Variants in SH3GL3 observed in about 807,000 individuals in gnomAD.
SH3GL3 encodes the protein endophilin-A3.
A neutral mutation model predicts 47.7 loss-of-function variants in SH3GL3; 33 were observed. That is an observed-to-expected ratio of 0.69 (90% CI 0.52 to 0.92). The LOEUF is 0.92. Ranked by LOEUF, SH3GL3 falls within the 40% of genes least tolerant of loss-of-function variation. The probability of loss-of-function intolerance (pLI) is 0.00; values close to 1 mark genes in which losing one functional copy is unlikely to be tolerated. For missense variants in SH3GL3, 363 were observed against 417.8 expected, an observed-to-expected ratio of 0.87 and a Z score of 1.14; for synonymous variants, 155 against 148.8, an observed-to-expected ratio of 1.04 and a Z score of -0.30.
chr15:83,548,547 A>C (rs1485664394), intron 1 of SH3GL3, among the ~76,000 whole-genome samples: 1 of 151,994 alleles, frequency 6.6e-6, no homozygotes, highest in Non-Finnish European at 1.5e-5. Context: ...TTGCCTGTTT[A>C]TGAGGGATAT....
intron 1 of SH3GL3, among the ~76,000 whole-genome samples, chr15:83,470,775 T>C (rs2040795602): frequency 6.6e-6 from 1 of 152,204 alleles, no homozygotes; most frequent in South Asian, 2.1e-4. Context: ...GTTTATATAG[T>C]GTTTTTGAGT....
chr15:83,487,854 T>C (rs1442923725), intron 1 of SH3GL3, among the ~76,000 whole-genome samples: 1 of 151,696 alleles, frequency 6.6e-6, no homozygotes, highest in Non-Finnish European at 1.5e-5. Flanking sequence ...CTTTCTTTTT[T>C]TAATTTTCTT....
At chr15:83,581,434 A>G (rs1391872165) in intron 6 of SH3GL3, among the ~76,000 whole-genome samples, 1 of 152,202 alleles carries the variant, frequency 6.6e-6, no homozygotes, top group African/African-American at 2.4e-5. Context: ...GGCCCACAGT[A>G]GAAGTCCAGT....
chr15:83,557,158 T>A (rs1305982510), intron 1 of SH3GL3, among the ~76,000 whole-genome samples: 1 of 152,204 alleles, frequency 6.6e-6, no homozygotes, highest in Non-Finnish European at 1.5e-5. Flanking sequence ...TACTCTACCA[T>A]GGCAACAAAA....
chr15:83,564,580 G>A (rs990520652), intron 2 of SH3GL3, among the ~76,000 whole-genome samples: 1 of 152,142 alleles, frequency 6.6e-6, no homozygotes, highest in African/African-American at 2.4e-5. Flanking sequence ...TAACCAGAAA[G>A]GGTTAACTTT....
intron 1 of SH3GL3, among the ~76,000 whole-genome samples, chr15:83,523,565 G>A (rs2043293927): frequency 6.6e-6 from 1 of 152,204 alleles, no homozygotes; most frequent in Admixed American, 6.5e-5. Context: ...TTTGAGTTAG[G>A]AATTAGTTCA....
chr15:83,489,147 G>A (rs971395980), intron 1 of SH3GL3: 2 of 152,158 alleles, frequency 1.3e-5, no homozygotes, highest in African/African-American at 4.8e-5. Context: ...TTCTTCTGAC[G>A]GCATTCTGAC....
chr15:83,541,310 C>CAATTTTTTTTTTTTTTTTTTTTT (rs1567318555), intron 1 of SH3GL3, among the ~76,000 whole-genome samples: 2 of 47,750 alleles, frequency 4.2e-5, no homozygotes, highest in African/African-American at 1.3e-4. Flanking sequence ...TATGGTAATT[C>CAATTTTTTTTTTTTTTTTTTTTT]TATTTTTTTT....
At chr15:83,586,218 G>C (rs56744214) in intron 6 of SH3GL3, among the ~76,000 whole-genome samples, 33 of 152,276 alleles carry the variant, frequency 2.2e-4, no homozygotes, top group African/African-American at 7.5e-4. Flanking sequence ...CCTCAGACAC[G>C]TGGGGGAGCA....
intron 1 of SH3GL3, among the ~76,000 whole-genome samples, chr15:83,532,312 G>A (rs985484643): frequency 2.6e-5 from 4 of 152,206 alleles, no homozygotes; most frequent in Non-Finnish European, 4.4e-5. Flanking sequence ...GGTGATTAAC[G>A]AGTTCATGGT....
chr15:83,622,199 A>G (rs149613427), downstream of SH3GL3, among the ~76,000 whole-genome samples: 4 of 152,336 alleles, frequency 2.6e-5, no homozygotes, highest in African/African-American at 7.2e-5. Context: ...CATAACACTG[A>G]GTAACTTGTC....
At chr15:83,544,734 G>A (rs1339996263) in intron 1 of SH3GL3, among the ~76,000 whole-genome samples, 4 of 152,046 alleles carry the variant, frequency 2.6e-5, no homozygotes, top group African/African-American at 4.8e-5. Flanking sequence ...TTCAGCTTTC[G>A]TTTGTCTGGG....
At chr15:83,499,999 C>T (rs1205182114) in intron 1 of SH3GL3, among the ~76,000 whole-genome samples, 1 of 152,168 alleles carries the variant, frequency 6.6e-6, no homozygotes, top group East Asian at 1.9e-4. Context: ...TGGAGAAGAT[C>T]ATCTGAAAGG....
intron 1 of SH3GL3, among the ~76,000 whole-genome samples, chr15:83,552,475 A>G (rs1191860091): frequency 6.6e-6 from 1 of 152,122 alleles, no homozygotes; most frequent in East Asian, 1.9e-4. Context: ...ACTTAATTGC[A>G]TTATGGTTAA....
At chr15:83,551,657 G>T (rs1398165860) in intron 1 of SH3GL3, among the ~76,000 whole-genome samples, 1 of 151,992 alleles carries the variant, frequency 6.6e-6, no homozygotes, top group Non-Finnish European at 1.5e-5. Flanking sequence ...AGTCTCCATT[G>T]TCCCCAGAAT....
At chr15:83,606,019 G>A (rs2060506881) in intron 8 of SH3GL3, among the ~76,000 whole-genome samples, 1 of 151,832 alleles carries the variant, frequency 6.6e-6, no homozygotes, top group Non-Finnish European at 1.5e-5. Flanking sequence ...AGGACAAAGT[G>A]TATTTTATCA....
chr15:83,529,671 C>T (rs2043581400), intron 1 of SH3GL3, among the ~76,000 whole-genome samples: 3 of 147,092 alleles, frequency 2.0e-5, no homozygotes, highest in Non-Finnish European at 3.0e-5. Flanking sequence ...AGAGCTTGTC[C>T]CCAAGGTGCA....
At chr15:83,589,630 G>A (rs1198366781) in intron 8 of SH3GL3, among the ~76,000 whole-genome samples, 1 of 152,134 alleles carries the variant, frequency 6.6e-6, no homozygotes, top group Non-Finnish European at 1.5e-5. Flanking sequence ...TTCTGCCTCG[G>A]CCTTCTGAAG....
chr15:83,498,978 C>G (rs909134126), intron 1 of SH3GL3, among the ~76,000 whole-genome samples: 3 of 152,186 alleles, frequency 2.0e-5, no homozygotes, highest in Non-Finnish European at 4.4e-5. Flanking sequence ...CCACCTCCTT[C>G]TATTGTCCTC....
Sources: gnomAD v4.1 joint callset for allele counts (sites outside exome capture counted in the v4.1 genomes callset) on GRCh38, gnomAD v4.1.1 for gene constraint, MANE v1.5 for transcripts, NCBI Gene and HGNC (gene_info 2026-07-23, HGNC 2026-07-21) for gene names.